CDK14: variants seen among roughly 807,000 people sequenced by gnomAD.
CDK14 encodes cyclin dependent kinase 14.
In CDK14, 34 loss-of-function variants were observed where a neutral mutation model predicts 60.7. The ratio of observed to expected loss-of-function variants is 0.56; its 90% CI spans 0.43 to 0.75. The LOEUF (loss-of-function observed/expected upper bound fraction) is 0.75. Among genes scored for constraint, CDK14 ranks in the 30% least tolerant of loss-of-function variants. The pLI is 0.00. For missense variants in CDK14, 482 were observed against 564.1 expected, an observed-to-expected ratio of 0.85 and a Z score of 1.47; for synonymous variants, 197 against 203.7, an observed-to-expected ratio of 0.97 and a Z score of 0.28.
At chr7:90,949,949 T>A (rs1794206001) in intron 8 of CDK14, among the ~76,000 whole-genome samples, 1 of 152,180 alleles carries the variant, frequency 6.6e-6, no homozygotes. Context: ...TCCTATTAAG[T>A]CAAATAAGAG....
intron 2 of CDK14, among the ~76,000 whole-genome samples, chr7:90,675,898 G>A (rs189825062): frequency 6.6e-6 from 1 of 152,286 alleles, no homozygotes; most frequent in African/African-American, 2.4e-5. Flanking sequence ...ACCTAAAACA[G>A]TCAAGGCAGG....
intron 14 of CDK14, among the ~76,000 whole-genome samples, chr7:91,145,333 G>A (rs911259833): frequency 6.6e-6 from 1 of 152,208 alleles, no homozygotes; most frequent in Non-Finnish European, 1.5e-5. Context: ...AGGGCTGCAT[G>A]CCAACATGAC....
At chr7:90,807,020 C>T (rs182946506) in intron 5 of CDK14, among the ~76,000 whole-genome samples, 26 of 152,332 alleles carry the variant, frequency 1.7e-4, no homozygotes, top group African/African-American at 5.5e-4. Context: ...CTGCCTGCCT[C>T]TGTAGACTCC....
chr7:90,839,246 A>G (rs1272513555), intron 5 of CDK14, among the ~76,000 whole-genome samples: 4 of 152,174 alleles, frequency 2.6e-5, no homozygotes, highest in Non-Finnish European at 5.9e-5. Flanking sequence ...GAGGAAATGA[A>G]TCAAGTCTCA....
chr7:90,935,196 A>G (rs144105803), intron 8 of CDK14, among the ~76,000 whole-genome samples: 198 of 152,334 alleles, frequency 1.3e-3, no homozygotes, highest in African/African-American at 4.3e-3. Flanking sequence ...AACTCCTGCC[A>G]TAATGCCATT....
At chr7:90,911,964 C>T (rs893063434) in intron 7 of CDK14, among the ~76,000 whole-genome samples, 1 of 152,150 alleles carries the variant, frequency 6.6e-6, no homozygotes, top group Non-Finnish European at 1.5e-5. Flanking sequence ...GATGCCAAGA[C>T]AACTGGCTAA....
chr7:91,127,836 A>G (rs1799999738), intron 14 of CDK14, among the ~76,000 whole-genome samples: 1 of 152,208 alleles, frequency 6.6e-6, no homozygotes, highest in African/African-American at 2.4e-5. Context: ...TTATAAAAAG[A>G]GAACACAGTG....
At chr7:90,909,437 C>A (rs141670305) in intron 7 of CDK14, among the ~76,000 whole-genome samples, 1 of 109,558 alleles carries the variant, frequency 9.1e-6, no homozygotes, top group Non-Finnish European at 1.7e-5. Context: ...CCCCACCCCC[C>A]ACCCCCGCAA....
In CDK14 at chr7:90,710,182, C is replaced by T. The variant is rs546519210; in HGVS notation, c.124-16385C>T. ...ACTCATGGGAGAGTCTTTTGAGGCT[C>T]CCGAGGCTACTGCTTGTAGTTTGTA... On this transcript the variant is annotated intron_variant, in intron 2 of 14. Transcript: ENST00000380050. 3 of 985,214 alleles carry T rather than the reference C, an allele frequency of 3.0e-6. No individual in the cohort carries two copies. In the South Asian group the frequency reaches 1.4e-4, roughly 46 times the overall value. 61.0% of individuals were successfully genotyped at this position (985,214 alleles called of 1,614,324 possible). A position where few individuals can be genotyped will look rare whatever the true frequency, so the allele number is the denominator to read the frequency against.
intron 4 of CDK14, among the ~76,000 whole-genome samples, chr7:90,756,312 A>T (rs1015709346): frequency 6.6e-6 from 1 of 152,256 alleles, no homozygotes; most frequent in Non-Finnish European, 1.5e-5. Flanking sequence ...AGATGTGTTA[A>T]TAACTCTATT....
intron 5 of CDK14, among the ~76,000 whole-genome samples, chr7:90,825,045 C>T (rs1173131328): frequency 6.6e-6 from 1 of 152,154 alleles, no homozygotes; most frequent in East Asian, 1.9e-4. Context: ...GTTGTACAGC[C>T]TACACTGTTG....
At chr7:91,045,850 C>A in intron 10 of CDK14, 47 bp from the exon 11 acceptor site, 1 of 1,245,570 alleles carries the variant, frequency 8.0e-7, no homozygotes, top group Non-Finnish European at 1.2e-6. Flanking sequence ...ATTTTGAGTG[C>A]TTTGGAAATA....
intron 5 of CDK14, among the ~76,000 whole-genome samples, chr7:90,802,705 T>C (rs1788687995): frequency 6.6e-6 from 1 of 152,072 alleles, no homozygotes; most frequent in Non-Finnish European, 1.5e-5. Context: ...GGACATTATA[T>C]CCATCAAATA....
intron 2 of CDK14, among the ~76,000 whole-genome samples, chr7:90,640,528 G>T (rs558533291): frequency 6.6e-6 from 1 of 152,184 alleles, no homozygotes; most frequent in South Asian, 2.1e-4. Context: ...GAGGAGGAAT[G>T]AAATATGGTT....
At chr7:91,024,150 G>A (rs1289269022) in intron 10 of CDK14, among the ~76,000 whole-genome samples, 1 of 147,244 alleles carries the variant, frequency 6.8e-6, no homozygotes, top group Non-Finnish European at 1.5e-5. Flanking sequence ...TGATGATGAT[G>A]ATAATGATGT....
At chr7:91,015,552 G>C (rs377432071) in intron 10 of CDK14, among the ~76,000 whole-genome samples, 100 of 89,744 alleles carry the variant, frequency 1.1e-3, no homozygotes, top group African/African-American at 3.8e-3. Context: ...TTTTGAGACT[G>C]TGTCTCGCTT....
intron 2 of CDK14, among the ~76,000 whole-genome samples, chr7:90,611,954 T>C (rs1799547311): frequency 6.7e-6 from 1 of 149,608 alleles, no homozygotes; most frequent in African/African-American, 2.5e-5. Flanking sequence ...TGCCTCAGCC[T>C]CCCAGGTAGC....
At chr7:90,766,895 G>A (rs1804586389) in intron 4 of CDK14, among the ~76,000 whole-genome samples, 1 of 152,120 alleles carries the variant, frequency 6.6e-6, no homozygotes, top group Non-Finnish European at 1.5e-5. Flanking sequence ...TGCCGCTCTG[G>A]CTGCTCCCAC....
chr7:90,696,216 A>G (rs1355621212), intron 2 of CDK14, among the ~76,000 whole-genome samples: 1 of 152,186 alleles, frequency 6.6e-6, no homozygotes, highest in Non-Finnish European at 1.5e-5. Context: ...GTTTTTCACT[A>G]GAGAAATTTG....
Sources: gnomAD v4.1 joint callset for allele counts (sites outside exome capture counted in the v4.1 genomes callset) on GRCh38, gnomAD v4.1.1 for gene constraint, MANE v1.5 for transcripts, NCBI Gene and HGNC (gene_info 2026-07-23, HGNC 2026-07-21) for gene names.